ADGRL3: variants seen among roughly 807,000 people sequenced by gnomAD.
The protein encoded by ADGRL3 is calcium-independent alpha-latrotoxin receptor 3.
Under a neutral mutation model 153.5 loss-of-function variants are expected in ADGRL3, and 62 were observed. That is an observed-to-expected ratio of 0.40 (90% CI 0.33 to 0.50). ADGRL3 has a LOEUF of 0.50. ADGRL3 is among the 20% of genes least tolerant of loss of function. ADGRL3 has a pLI of 0.47. For synonymous variants in ADGRL3, 710 were observed against 672.5 expected, an observed-to-expected ratio of 1.06 and a Z score of -0.86; for missense variants, 1,641 against 1,859.4, an observed-to-expected ratio of 0.88 and a Z score of 2.16.
At chr4:61,659,350 G>A (rs2094527419) in intron 5 of ADGRL3, among the ~76,000 whole-genome samples, 1 of 152,160 alleles carries the variant, frequency 6.6e-6, no homozygotes, top group African/African-American at 2.4e-5. Flanking sequence ...TCCGTGCATA[G>A]ATGCACTAAA....
At chr4:61,799,987 T>C (rs1390479780) in intron 8 of ADGRL3, among the ~76,000 whole-genome samples, 2 of 152,198 alleles carry the variant, frequency 1.3e-5, no homozygotes, top group African/African-American at 4.8e-5. Flanking sequence ...TCATGGGTTA[T>C]GTAACTGCAA....
Position 61,615,395 on chromosome 4 carries a change from C to A in ADGRL3, c.473+27955C>A, listed in dbSNP as rs75745225. On this transcript the variant is annotated intron_variant, in intron 5 of 26. Coordinates refer to ENST00000683033, the MANE Select transcript of ADGRL3 (RefSeq NM_001387552.1). Reference sequence around the variant, plus strand: ...GTAATGTATGTGCTAAAATAAACACCGGTAAAAGGGTCTGTGAGAATAAAG... The same window carrying A: ...GTAATGTATGTGCTAAAATAAACACAGGTAAAAGGGTCTGTGAGAATAAAG... Among the ~76,000 whole-genome samples the A allele has an allele frequency of 2.0e-5, 3 of 151,544 alleles. No homozygotes were observed. The East Asian group carries it at 5.8e-4, about 29-fold the overall frequency.
intron 8 of ADGRL3, among the ~76,000 whole-genome samples, chr4:61,792,360 C>A (rs1285230852): frequency 1.3e-5 from 2 of 152,136 alleles, no homozygotes; most frequent in Admixed American, 6.5e-5. Context: ...CCAACAAGTT[C>A]TTCATCTCCA....
chr4:61,814,333 T>C (rs1212977604), intron 9 of ADGRL3, among the ~76,000 whole-genome samples: 1 of 152,032 alleles, frequency 6.6e-6, no homozygotes, highest in Non-Finnish European at 1.5e-5. Context: ...TATATTAACA[T>C]CATTTAGTTT....
intron 5 of ADGRL3, among the ~76,000 whole-genome samples, chr4:61,660,871 T>C: frequency 6.6e-6 from 1 of 152,282 alleles, no homozygotes; most frequent in Middle Eastern, 3.4e-3. Flanking sequence ...ACTTAGAATC[T>C]AAATTAAAAA....
chr4:61,416,911 CTTGT>C (rs983198367), intron 2 of ADGRL3, among the ~76,000 whole-genome samples: 1 of 152,108 alleles, frequency 6.6e-6, no homozygotes, highest in African/African-American at 2.4e-5. Context: ...GAACCCTGAG[CTTGT>C]TTTTCTGAAA....
rs192131687 is a variant in ADGRL3, at chr4:61,532,524, T to C, written c.259+15006T>C. On this transcript the variant is annotated intron_variant, in intron 4 of 26. Coordinates refer to ENST00000683033, the MANE Select transcript of ADGRL3 (RefSeq NM_001387552.1). ...ATTTGTAAGTCTTGTTTCTGCAGGATGCTGCATGCGCGCGCGCGCGCGCGC... is the reference window on the plus strand; with the variant it reads ...ATTTGTAAGTCTTGTTTCTGCAGGACGCTGCATGCGCGCGCGCGCGCGCGC... Among the ~76,000 whole-genome samples, 681 of 142,634 alleles carry C rather than the reference T, an allele frequency of 4.8e-3. 7 individuals carry two copies. Among genetic ancestry groups the C allele is most frequent in the African/African-American group, 0.017 (650 of 38,382 alleles). The allele number at this position is 142,634 out of a possible 152,430, so 93.6% of individuals were successfully genotyped here. A position where few individuals can be genotyped will look rare whatever the true frequency, so the allele number is the denominator to read the frequency against.
At chr4:61,293,105 T>C (rs2094285766) in intron 1 of ADGRL3, among the ~76,000 whole-genome samples, 1 of 152,124 alleles carries the variant, frequency 6.6e-6, no homozygotes, top group South Asian at 2.1e-4. Flanking sequence ...GCAGTGTTGG[T>C]GAACTGCTGA....
At chr4:61,250,691 G>T (rs927128951) in intron 1 of ADGRL3, among the ~76,000 whole-genome samples, 3 of 152,282 alleles carry the variant, frequency 2.0e-5, no homozygotes, top group African/African-American at 7.2e-5. Context: ...GCTTATGTAA[G>T]AACTGCATAT....
At chr4:61,862,276 C>T (rs1490763647) in intron 9 of ADGRL3, among the ~76,000 whole-genome samples, 1 of 152,124 alleles carries the variant, frequency 6.6e-6, no homozygotes. Context: ...TTCAAAAGAA[C>T]ATTGGGAAGA....
chr4:61,448,826 A>AGAAGGGAGGGAAGGAAGG (rs2097630947), intron 2 of ADGRL3, among the ~76,000 whole-genome samples: 1 of 54,444 alleles, frequency 1.8e-5, no homozygotes. Context: ...GAAGGAAGGA[A>AGAAGGGAGGGAAGGAAGG]GAAGGGAGGG....
chr4:61,312,135 T>C (rs762796691), intron 1 of ADGRL3, among the ~76,000 whole-genome samples: 20 of 152,316 alleles, frequency 1.3e-4, no homozygotes, highest in Non-Finnish European at 2.6e-4. Context: ...CAACTGATCA[T>C]TGACAAAAGT....
At chr4:61,614,550 C>T (rs925682446) in intron 5 of ADGRL3, among the ~76,000 whole-genome samples, 2 of 151,990 alleles carry the variant, frequency 1.3e-5, no homozygotes, top group Non-Finnish European at 2.9e-5. Flanking sequence ...CAACTTTTAG[C>T]ATAGTAATCA....
intron 21 of ADGRL3, among the ~76,000 whole-genome samples, chr4:62,024,258 T>C (rs1717022343): frequency 6.6e-6 from 1 of 152,136 alleles, no homozygotes; most frequent in Non-Finnish European, 1.5e-5. Flanking sequence ...AATCTATTAT[T>C]TAAAGTTTAA....
intron 2 of ADGRL3, among the ~76,000 whole-genome samples, chr4:61,396,223 C>A (rs1332007999): frequency 6.6e-6 from 1 of 151,726 alleles, no homozygotes; most frequent in African/African-American, 2.4e-5. Flanking sequence ...GAACTTTTAA[C>A]AAAGTTTAAA....
Position 61,947,068 on chromosome 4 carries a change from C to A in ADGRL3, c.2574C>A (p.Phe858Leu). 1 of 1,613,760 alleles carries A rather than the reference C, an allele frequency of 6.2e-7. No homozygotes were observed. Among genetic ancestry groups the A allele is most frequent in the Non-Finnish European group, 8.5e-7 (1 of 1,179,778 alleles). The stretch of plus-strand genomic sequence containing the variant: ...TTACGGCAGCAATAAACAAAGAGTT[C>A]AGTAACAAGGTTTATTTGGCTGATC... ...PVITAAINKEFSNKVYLADPV... is the reference protein window; with the variant it reads ...PVITAAINKELSNKVYLADPV... Residue 858 changes from phenylalanine (F) to leucine (L), a missense_variant, in exon 16 of 27, where the codon TTC becomes TTA. Coordinates refer to ENST00000683033, the MANE Select transcript of ADGRL3 (RefSeq NM_001387552.1).
At chr4:61,224,709 G>T (rs999524424) in intron 1 of ADGRL3, among the ~76,000 whole-genome samples, 3 of 152,174 alleles carry the variant, frequency 2.0e-5, no homozygotes, top group Non-Finnish European at 4.4e-5. Flanking sequence ...AGACTCAGCG[G>T]CCTGGCTAAC....
chr4:62,007,022 A>G (rs28737233), intron 21 of ADGRL3, among the ~76,000 whole-genome samples: 3,641 of 152,158 alleles, frequency 0.024, 150 homozygotes, highest in African/African-American at 0.084. Flanking sequence ...CATCATCCTC[A>G]GAATGCTGGC....
At chr4:61,229,907 T>C (rs947142003) in intron 1 of ADGRL3, among the ~76,000 whole-genome samples, 2 of 151,524 alleles carry the variant, frequency 1.3e-5, no homozygotes, top group Non-Finnish European at 2.9e-5. Context: ...TTCTTAAATA[T>C]ATATATATAT....
Sources: gnomAD v4.1 joint callset for allele counts (sites outside exome capture counted in the v4.1 genomes callset) on GRCh38, gnomAD v4.1.1 for gene constraint, MANE v1.5 for transcripts, NCBI Gene and HGNC (gene_info 2026-07-23, HGNC 2026-07-21) for gene names.